The following ABCA12 variants were observed in gnomAD, a reference collection of about 807,000 sequenced individuals.
ABCA12 encodes the protein glucosylceramide transporter ABCA12.
ABCA12 carries 156 observed loss-of-function variants against 293.5 expected under a neutral mutation model. That is an observed-to-expected ratio of 0.53 (90% confidence interval 0.47 to 0.61). The LOEUF (loss-of-function observed/expected upper bound fraction) is 0.61. Ranked by LOEUF, ABCA12 falls within the 20% of genes least tolerant of loss-of-function variation. ABCA12 has a pLI of 0.00. For synonymous variants in ABCA12, 1,063 were observed against 1,108.0 expected (o/e 0.96, Z 0.81); for missense variants, 2,797 against 3,090.2 (o/e 0.91, Z 2.25).
chr2:215,051,814 G>A (rs1355789814), intron 5 of ABCA12, among the ~76,000 whole-genome samples: 1 of 151,922 alleles, frequency 6.6e-6, no homozygotes, highest in African/African-American at 2.4e-5. Flanking sequence ...ATATTAATCT[G>A]GCCAGATGAA....
At chr2:215,006,527 T>C (rs985273143) in intron 19 of ABCA12, among the ~76,000 whole-genome samples, 1 of 152,184 alleles carries the variant, frequency 6.6e-6, no homozygotes, top group African/African-American at 2.4e-5. Context: ...CATTAATTCT[T>C]AGTCAAAACA....
intron 2 of ABCA12, among the ~76,000 whole-genome samples, chr2:215,098,336 G>T (rs7556742): frequency 0.2 from 30,500 of 152,004 alleles, 4,581 homozygotes; most frequent in East Asian, 0.46. Flanking sequence ...AATCCTTCTG[G>T]GTGGTTATCA....
chr2:214,990,813 G>A lies in ABCA12; in HGVS notation c.3513C>T (p.Asn1171=). 6.2e-7 allele frequency: 1 copy of A among 1,614,142 alleles called. No individual in the cohort carries two copies. Among genetic ancestry groups the A allele is most frequent in the Non-Finnish European group, 8.5e-7 (1 of 1,180,012 alleles). The change falls in exon 24 of 53, where the codon AAC becomes AAT. Residue 1171 remains asparagine, a synonymous_variant. Coordinates refer to ENST00000272895, the MANE Select transcript of ABCA12 (RefSeq NM_173076.3). ...MSYLISVFFN[N]TNIAALIGSL... ...TTCCGATCAGAGCTGCAATGTTGGT[G>A]TTGTTGAAGAAGACACTGATAAGAT...
In ABCA12 at chr2:215,015,676, G is replaced by A. The variant is rs746408717; in HGVS notation, c.1783-13C>T. Reference sequence around the variant, plus strand: ...CCTGAGAAATAATCTGCAAATGGAGGAAGAAAAATATTTCAACTGTGAATC... The same window carrying A: ...CCTGAGAAATAATCTGCAAATGGAGAAAGAAAAATATTTCAACTGTGAATC... On this transcript the variant is annotated splice_polypyrimidine_tract_variant and intron_variant, in intron 14 of 52. Coordinates refer to ENST00000272895, the MANE Select transcript of ABCA12 (RefSeq NM_173076.3). The A allele has an allele frequency of 2.0e-5, 32 of 1,612,286 alleles. No individual in the cohort carries two copies. In the South Asian group the frequency reaches 3.0e-4, roughly 15 times the overall value.
At chr2:215,021,248 G>A (rs973281409) in intron 11 of ABCA12, among the ~76,000 whole-genome samples, 19 of 152,152 alleles carry the variant, frequency 1.2e-4, no homozygotes, top group African/African-American at 3.4e-4. Context: ...AACTATGGAC[G>A]AGAAGACGCC....
intron 42 of ABCA12, among the ~76,000 whole-genome samples, chr2:214,955,810 GT>G (rs1559113076): frequency 2.0e-5 from 3 of 152,044 alleles, no homozygotes; most frequent in Admixed American, 6.6e-5. Context: ...AATCCAAAGA[GT>G]TTTTTTTAAA....
At position 214,952,303 on chromosome 2, in the gene ABCA12, C is replaced by T. The variant is rs533359677; in HGVS notation, c.6648-1220G>A. On this transcript the variant is annotated intron_variant, in intron 44 of 52. Transcript: ENST00000272895. The stretch of plus-strand genomic sequence containing the variant: ...TGGCGCCATCTCGGCTCACTGCAAC[C>T]TCCGCCTCCTGGGTTCAAGCAATTC... Among the ~76,000 whole-genome samples, 70 of 151,698 alleles carry T rather than the reference C, an allele frequency of 4.6e-4. 1 individual carries two copies. The highest frequency in any genetic ancestry group is 8.2e-4 in the Non-Finnish European group (56 of 67,938).
chr2:215,136,146 C>T (rs182735065), intron 1 of ABCA12, among the ~76,000 whole-genome samples: 2 of 152,328 alleles, frequency 1.3e-5, no homozygotes, highest in East Asian at 3.9e-4. Flanking sequence ...GAATCATTCC[C>T]TGTCCCAAAA....
At chr2:215,013,376 A>C (rs1487151376) in intron 15 of ABCA12, among the ~76,000 whole-genome samples, 1 of 152,196 alleles carries the variant, frequency 6.6e-6, no homozygotes, top group Non-Finnish European at 1.5e-5. Context: ...GATATTTCTA[A>C]GGAAGTCAAA....
chr2:214,976,714 T>C (rs1056871406), intron 33 of ABCA12, among the ~76,000 whole-genome samples: 5 of 152,028 alleles, frequency 3.3e-5, no homozygotes, highest in African/African-American at 1.2e-4. Context: ...AAAAAAGAAC[T>C]CATTAGAAAA....
chr2:215,044,872 G>A (rs10181661), intron 7 of ABCA12, among the ~76,000 whole-genome samples: 21,973 of 152,072 alleles, frequency 0.14, 4,793 homozygotes, highest in African/African-American at 0.47. Context: ...AAAGTAAAAA[G>A]CAATCTCTTC....
intron 33 of ABCA12, 149 bp downstream of exon 33, chr2:214,978,167 T>C: frequency 2.2e-6 from 2 of 914,078 alleles, no homozygotes; most frequent in Non-Finnish European, 3.3e-6. Flanking sequence ...ATTTTATATC[T>C]TAAAAAAGGA....
At chr2:215,034,925 A>G (rs921612997) in intron 8 of ABCA12, among the ~76,000 whole-genome samples, 4 of 152,186 alleles carry the variant, frequency 2.6e-5, no homozygotes, top group African/African-American at 7.2e-5. Flanking sequence ...CTGCTATGAG[A>G]TACCACCCCA....
intron 14 of ABCA12, 187 bp downstream of exon 14, chr2:215,017,821 T>C: frequency 1.4e-6 from 1 of 690,268 alleles, no homozygotes; most frequent in East Asian, 2.8e-5. Flanking sequence ...GGACACATAG[T>C]GATAAAATTC....
intron 6 of ABCA12, among the ~76,000 whole-genome samples, chr2:215,049,173 T>A (rs571821864): frequency 6.6e-6 from 1 of 152,198 alleles, no homozygotes; most frequent in Admixed American, 6.5e-5. Flanking sequence ...TTTTTGAAAA[T>A]TCACAATTAA....
chr2:215,052,625 A>ACG, intron 4 of ABCA12, 41 bp from the exon 5 acceptor site: 1 of 1,498,266 alleles, frequency 6.7e-7, no homozygotes, highest in African/African-American at 1.4e-5. Context: ...CCACACACAC[A>ACG]CACACAAATG....
intron 2 of ABCA12, among the ~76,000 whole-genome samples, chr2:215,068,246 G>T (rs1440546510): frequency 6.6e-6 from 1 of 152,138 alleles, no homozygotes; most frequent in African/African-American, 2.4e-5. Flanking sequence ...GTTTTAATAA[G>T]CTCTCTAGGT....
At chr2:215,131,606 T>C (rs552505493) in intron 1 of ABCA12, among the ~76,000 whole-genome samples, 9 of 151,858 alleles carry the variant, frequency 5.9e-5, no homozygotes, top group Non-Finnish European at 1.2e-4. Context: ...CTAGTAATTA[T>C]GTGAATCTTT....
At chr2:215,112,477 GTTTTTTTTGT>G (rs1275229386) in intron 1 of ABCA12, among the ~76,000 whole-genome samples, 1 of 127,808 alleles carries the variant, frequency 7.8e-6, no homozygotes, top group African/African-American at 3.2e-5. Context: ...ATTTCTTTGG[GTTTTTTTTGT>G]TTTTTTTTTG....
Sources: allele counts gnomAD v4.1 joint callset (sites outside exome capture counted in the v4.1 genomes callset), GRCh38; gene constraint gnomAD v4.1.1; transcripts MANE v1.5; gene names NCBI Gene and HGNC (gene_info 2026-07-23, HGNC 2026-07-21).